The following CPLX2 variants were observed in gnomAD, a reference collection of about 807,000 sequenced individuals.
CPLX2 encodes the protein complexin 2.
Under a neutral mutation model 16.3 loss-of-function variants are expected in CPLX2, and 5 were observed. The ratio of observed to expected loss-of-function variants is 0.31; its 90% CI spans 0.16 to 0.64. CPLX2 has a LOEUF of 0.64. Ranked by LOEUF, CPLX2 falls within the 30% of genes least tolerant of loss-of-function variation. The probability of loss-of-function intolerance (pLI) is 0.79; values close to 1 mark genes in which losing one functional copy is unlikely to be tolerated. For missense variants in CPLX2, 144 were observed against 181.4 expected (o/e 0.79, Z 1.18); for synonymous variants, 89 against 73.2 (o/e 1.22, Z -1.10).
At chr5:175,843,633 C>G (rs1052366480) in intron 2 of CPLX2, among the ~76,000 whole-genome samples, 1 of 152,234 alleles carries the variant, frequency 6.6e-6, no homozygotes, top group Non-Finnish European at 1.5e-5. Context: ...GCTGAGAAAG[C>G]CTTGGGTCGG....
intron 2 of CPLX2, among the ~76,000 whole-genome samples, chr5:175,820,149 G>A (rs1215661509): frequency 1.3e-5 from 2 of 152,162 alleles, no homozygotes; most frequent in Non-Finnish European, 2.9e-5. Flanking sequence ...ACCACCCACC[G>A]TGTGGCCCTG....
chr5:175,809,808 A>G lies in CPLX2; in HGVS notation c.-89+740A>G, dbSNP rs1561769605. On this transcript the variant is annotated intron_variant, in intron 2 of 4. Coordinates refer to the CPLX2 transcript ENST00000359546. This position sits in a 1 kb window ranked among gnomAD's most constrained non-coding sequence, Gnocchi z 4.4. ...GTTGTAAACTTGTTTCTTTAAATAA[A>G]CAGTCTTGAGTTTCATACCAAATAG... Among the ~76,000 whole-genome samples, 2 of 152,214 alleles carry G rather than the reference A, an allele frequency of 1.3e-5. No individual in the cohort carries two copies. Among genetic ancestry groups the G allele is most frequent in the Admixed American group, 6.5e-5 (1 of 15,290 alleles).
intron 2 of CPLX2, among the ~76,000 whole-genome samples, chr5:175,810,800 C>T (rs931201757): frequency 6.6e-6 from 1 of 152,236 alleles, no homozygotes; most frequent in Admixed American, 6.5e-5. Flanking sequence ...GAAAGTCTCG[C>T]TTTATCTCCC....
rs1210950076 is a variant in CPLX2 at position 175,845,416 on chromosome 5, G to A, written c.-88-33236G>A. 6.6e-6 allele frequency among the ~76,000 whole-genome samples: 1 copy of A among 152,190 alleles called. No homozygotes were observed. The highest frequency in any genetic ancestry group is 1.5e-5 in the Non-Finnish European group (1 of 68,040). ...ATGGCCTTTGGTCTATTGCTCCAAAGCACCACCAGGCTCTTTCCTGCCACA... is the reference window on the plus strand; with the variant it reads ...ATGGCCTTTGGTCTATTGCTCCAAAACACCACCAGGCTCTTTCCTGCCACA... On this transcript the variant is annotated intron_variant, in intron 2 of 4. Transcript: ENST00000359546. This position sits in a 1 kb window ranked among gnomAD's most constrained non-coding sequence, Gnocchi z 4.0.
At chr5:175,831,284 C>T (rs1189873436) in intron 2 of CPLX2, among the ~76,000 whole-genome samples, 1 of 152,174 alleles carries the variant, frequency 6.6e-6, no homozygotes, top group Non-Finnish European at 1.5e-5. Flanking sequence ...CTTCTCTCCC[C>T]ACTGCTCAAG....
At chr5:175,839,782 A>C (rs1051109911) in intron 2 of CPLX2, among the ~76,000 whole-genome samples, 6 of 152,376 alleles carry the variant, frequency 3.9e-5, no homozygotes, top group African/African-American at 1.4e-4. Flanking sequence ...CAAAATTAGG[A>C]ACTTCATTGG....
chr5:175,871,423 G>GAC (rs1759595982), upstream of CPLX2: 3 of 117,306 alleles, frequency 2.6e-5, no homozygotes, highest in Admixed American at 8.2e-5. Context: ...GAGAGAGAGA[G>GAC]AGAGAGAGAC....
intron 2 of CPLX2, among the ~76,000 whole-genome samples, chr5:175,846,108 T>C (rs1759037662): frequency 6.6e-6 from 1 of 152,060 alleles, no homozygotes; most frequent in South Asian, 2.1e-4. Context: ...CTTCTGGCCA[T>C]GCACACACAC....
intron 2 of CPLX2, among the ~76,000 whole-genome samples, chr5:175,844,067 C>G (rs1194468624): frequency 6.6e-6 from 1 of 152,234 alleles, no homozygotes; most frequent in Non-Finnish European, 1.5e-5. Flanking sequence ...CATCACCTCA[C>G]CTATAGGACA....
At chr5:175,798,595 G>A (rs1758035242) in intron 1 of CPLX2, among the ~76,000 whole-genome samples, 1 of 152,226 alleles carries the variant, frequency 6.6e-6, no homozygotes, top group African/African-American at 2.4e-5. Flanking sequence ...CCAAGGCAAT[G>A]TCACTGTGCC....
At chr5:175,811,790 GGAT>G (rs2113634083) in intron 2 of CPLX2, among the ~76,000 whole-genome samples, 1 of 152,366 alleles carries the variant, frequency 6.6e-6, no homozygotes, top group Non-Finnish European at 1.5e-5. Context: ...CTGAAGAGCT[GGAT>G]AGCAGTCTTG....
chr5:175,846,998 G>A (rs1297750761), intron 2 of CPLX2, among the ~76,000 whole-genome samples: 1 of 152,178 alleles, frequency 6.6e-6, no homozygotes, highest in Non-Finnish European at 1.5e-5. Context: ...TGTAGTGCAG[G>A]GAGGCTACTT....
chr5:175,880,159 CCCCTCTT>C lies in CPLX2; in HGVS notation c.*119_*125del. ...AGGGGAAAACCTCAGTTGGCCTCTG[CCCCTCTT>C]CCCTGGCCAGGGGCTTCTCCCCCTC... On this transcript the variant is annotated 3_prime_UTR_variant, in exon 4 of 4. Coordinates refer to ENST00000393745, the MANE Select transcript of CPLX2 (RefSeq NM_001008220.2). 4 of 1,157,410 alleles carry C rather than the reference CCCCTCTT, an allele frequency of 3.5e-6. No homozygotes were observed. The highest frequency in any genetic ancestry group is 1.5e-5 in the African/African-American group (1 of 65,486). The allele number at this position is 1,157,410 out of a possible 1,614,324, so 71.7% of individuals were successfully genotyped here.
chr5:175,846,710 C>T (rs1366512691), intron 2 of CPLX2, among the ~76,000 whole-genome samples: 1 of 152,202 alleles, frequency 6.6e-6, no homozygotes, highest in Admixed American at 6.5e-5. Context: ...TTCTAGGAGC[C>T]TTTGCTGCCT....
At chr5:175,841,707 G>A (rs1041653748) in intron 2 of CPLX2, among the ~76,000 whole-genome samples, 6 of 152,202 alleles carry the variant, frequency 3.9e-5, no homozygotes, top group Admixed American at 3.9e-4. Context: ...GGAGGGCCAT[G>A]TCTCCCTTCT....
intron 2 of CPLX2, among the ~76,000 whole-genome samples, chr5:175,810,147 G>A (rs1006166711): frequency 6.6e-6 from 1 of 152,284 alleles, no homozygotes; most frequent in Non-Finnish European, 1.5e-5. Flanking sequence ...TTGGCCACAG[G>A]AAATGAAGAT....
chr5:175,879,269 TAAA>T (rs1755508715), intron 3 of CPLX2, among the ~76,000 whole-genome samples, 186 bp downstream of exon 3: 1 of 152,186 alleles, frequency 6.6e-6, no homozygotes, highest in Admixed American at 6.5e-5. Context: ...TTTTGGGGAT[TAAA>T]TAAGAGAATG....
chr5:175,832,520 T>G (rs904970589), intron 2 of CPLX2, among the ~76,000 whole-genome samples: 8 of 152,236 alleles, frequency 5.3e-5, no homozygotes, highest in African/African-American at 1.9e-4. Flanking sequence ...CTTTTGCCTA[T>G]AATTGTCTCC....
chr5:175,877,097 A>C (rs1759775810), intron 1 of CPLX2, among the ~76,000 whole-genome samples: 1 of 151,786 alleles, frequency 6.6e-6, no homozygotes, highest in African/African-American at 2.4e-5. Context: ...CAACCTTAAT[A>C]CTCCCCCATT....
Sources: gnomAD v4.1 joint callset for allele counts (sites outside exome capture counted in the v4.1 genomes callset) on GRCh38, gnomAD v4.1.1 for gene constraint, Gnocchi (gnomAD v3.1) non-coding constraint, MANE v1.5 for transcripts, NCBI Gene and HGNC (gene_info 2026-07-23, HGNC 2026-07-21) for gene names.